MAP3K14: variants seen among roughly 807,000 people sequenced by gnomAD.
MAP3K14 encodes the protein NF-kappa-beta-inducing kinase.
MAP3K14 carries 16 observed loss-of-function variants against 99.2 expected under a neutral mutation model. The ratio of observed to expected loss-of-function variants is 0.16; its 90% CI spans 0.11 to 0.24. MAP3K14 has a LOEUF of 0.24. Among genes scored for constraint, MAP3K14 ranks in the 10% least tolerant of loss-of-function variants. The pLI, the probability that MAP3K14 is intolerant of heterozygous loss-of-function variation, is 1.00. For synonymous variants in MAP3K14, 462 were observed against 492.4 expected, an observed-to-expected ratio of 0.94 and a Z score of 0.82; for missense variants, 784 against 1,208.7, an observed-to-expected ratio of 0.65 and a Z score of 5.21.
At chr17:45,290,236 G>C (rs1178167189) in intron 2 of MAP3K14, among the ~76,000 whole-genome samples, 2 of 152,176 alleles carry the variant, frequency 1.3e-5, no homozygotes, top group East Asian at 3.8e-4. Context: ...GCAGAGTCCC[G>C]AGTGCTCGTC....
At chr17:45,280,423 C>T (rs1486802611) in intron 6 of MAP3K14, among the ~76,000 whole-genome samples, 1 of 151,412 alleles carries the variant, frequency 6.6e-6, no homozygotes, top group Non-Finnish European at 1.5e-5. Context: ...CCTGCTTCAG[C>T]CTCCTGAGTA....
At position 45,264,518 on chromosome 17, in the gene MAP3K14, T is replaced by C. The variant is rs2044053740; in HGVS notation, c.*118A>G. 1 of 1,325,466 alleles carries C rather than the reference T, an allele frequency of 7.5e-7. No homozygotes were observed. Among genetic ancestry groups the C allele is most frequent in the Non-Finnish European group, 1.0e-6 (1 of 1,000,982 alleles). The allele number at this position is 1,325,466 out of a possible 1,614,324, so 82.1% of individuals were successfully genotyped here. A position where few individuals can be genotyped will look rare whatever the true frequency, so the allele number is the denominator to read the frequency against. ...TGCTGCTGCGAGGCCCTGGTCCCAC[T>C]GCTGAGCCGGGGGCTGGCAGATCCC... On this transcript the variant is annotated 3_prime_UTR_variant, in exon 16 of 16. Transcript: ENST00000344686.
intron 1 of MAP3K14, among the ~76,000 whole-genome samples, chr17:45,313,958 G>T (rs962195086): frequency 3.9e-5 from 6 of 152,266 alleles, no homozygotes; most frequent in African/African-American, 1.4e-4. Flanking sequence ...CTTCACATGA[G>T]TATGGTGTGA....
chr17:45,268,894 GC>G (rs1006382853), intron 11 of MAP3K14, among the ~76,000 whole-genome samples: 1 of 152,092 alleles, frequency 6.6e-6, no homozygotes, highest in Non-Finnish European at 1.5e-5. Context: ...GCAGCCAGGT[GC>G]CCCCCCAGAG....
chr17:45,274,295 AGC>A, intron 7 of MAP3K14, 41 bp from the exon 8 acceptor site: 1 of 1,586,544 alleles, frequency 6.3e-7, no homozygotes, highest in Non-Finnish European at 8.6e-7. Flanking sequence ...GACTTGCCCG[AGC>A]CTCCATGCCA....
chr17:45,275,005 G>A (rs183736494), intron 6 of MAP3K14, among the ~76,000 whole-genome samples: 300 of 152,066 alleles, frequency 2.0e-3, no homozygotes, highest in African/African-American at 6.7e-3. Context: ...TGGGCGTGGC[G>A]GCGGGTGCCT....
chr17:45,299,608 CTGT>C (rs1205742899), intron 1 of MAP3K14, among the ~76,000 whole-genome samples: 1 of 152,184 alleles, frequency 6.6e-6, no homozygotes, highest in Non-Finnish European at 1.5e-5. Context: ...CACTCAGGCA[CTGT>C]GAGTGAAACG....
chr17:45,316,805 A>G (rs1270934699), intron 1 of MAP3K14, among the ~76,000 whole-genome samples, 155 bp downstream of exon 1: 2 of 151,632 alleles, frequency 1.3e-5, no homozygotes, highest in Non-Finnish European at 2.9e-5. Flanking sequence ...AGTGGGTTGG[A>G]CGGGGTACGT....
intron 11 of MAP3K14, chr17:45,268,581 G>A (rs943688947): frequency 1.3e-5 from 2 of 152,040 alleles, no homozygotes; most frequent in Middle Eastern, 3.2e-3. Flanking sequence ...TACCAAACAG[G>A]CATTATGTTC....
At chr17:45,313,581 G>A (rs2044502604) in intron 1 of MAP3K14, among the ~76,000 whole-genome samples, 1 of 152,146 alleles carries the variant, frequency 6.6e-6, no homozygotes, top group African/African-American at 2.4e-5. Context: ...CATGTGACAC[G>A]GAGACACCAA....
chr17:45,274,922 G>T (rs1228551222), intron 6 of MAP3K14, among the ~76,000 whole-genome samples: 1 of 148,596 alleles, frequency 6.7e-6, no homozygotes, highest in Admixed American at 6.7e-5. Context: ...TGGATCACGA[G>T]GTCAGGAGAT....
intron 8 of MAP3K14, 85 bp downstream of exon 8, chr17:45,274,038 C>T: frequency 2.6e-6 from 4 of 1,512,792 alleles, no homozygotes; most frequent in Non-Finnish European, 3.6e-6. Flanking sequence ...GATGACCAGG[C>T]TAGCCCAGAA....
At chr17:45,290,048 C>G (rs1185609259) in intron 2 of MAP3K14, among the ~76,000 whole-genome samples, 1 of 152,246 alleles carries the variant, frequency 6.6e-6, no homozygotes, top group African/African-American at 2.4e-5. Flanking sequence ...GCCCAGCAGG[C>G]TCAAGAGCAC....
At chr17:45,304,549 T>C (rs1417422945) in intron 1 of MAP3K14, among the ~76,000 whole-genome samples, 1 of 152,226 alleles carries the variant, frequency 6.6e-6, no homozygotes, top group Non-Finnish European at 1.5e-5. Flanking sequence ...GTCAGAGAAG[T>C]AGATAGCATC....
rs142000728 is a variant in MAP3K14, at chr17:45,269,617, C to T, written c.1972+796G>A. On this transcript the variant is annotated intron_variant, in intron 11 of 15. Coordinates refer to ENST00000344686, the MANE Select transcript of MAP3K14 (RefSeq NM_003954.5). Reference sequence around the variant, plus strand: ...GAAGGGGGCTAAAGGTTAAGCGGTTCGCCAATGGCCAGTGATTTATTCAAT... The same window carrying T: ...GAAGGGGGCTAAAGGTTAAGCGGTTTGCCAATGGCCAGTGATTTATTCAAT... Among the ~76,000 whole-genome samples, 1,212 of 152,154 alleles carry T rather than the reference C, an allele frequency of 8.0e-3. 18 individuals are homozygous for T. Among genetic ancestry groups the T allele is most frequent in the Middle Eastern group, 0.054 (16 of 294 alleles).
At chr17:45,305,486 C>T (rs2044424195) in intron 1 of MAP3K14, among the ~76,000 whole-genome samples, 1 of 151,604 alleles carries the variant, frequency 6.6e-6, no homozygotes. Flanking sequence ...ACCTCCACCT[C>T]CCGAATTCAA....
intron 15 of MAP3K14, 52 bp downstream of exon 15, chr17:45,265,111 G>T: frequency 7.1e-7 from 1 of 1,413,940 alleles, no homozygotes; most frequent in Non-Finnish European, 1.0e-6. Flanking sequence ...GGTGGGGCCA[G>T]CTGCATTGGC....
Position 45,264,732 on chromosome 17 carries a change from T to G in MAP3K14, c.2748A>C (p.Pro916=). 1 of 1,612,928 alleles carries G rather than the reference T, an allele frequency of 6.2e-7. No individual in the cohort carries two copies. Among genetic ancestry groups the G allele is most frequent in the Non-Finnish European group, 8.5e-7 (1 of 1,179,522 alleles). ...GQPVRYDMEV[P]DSGIDLQCTL... is the part of the protein sequence containing the mutation. ...TGCACTGCAGGTCGATGCCCGAGTC[T>G]GGCACCTCCATGTCGTAGCGAACAG... Residue 916 remains proline, a synonymous_variant, in exon 16 of 16, where the codon CCA becomes CCC. Coordinates refer to ENST00000344686, the MANE Select transcript of MAP3K14 (RefSeq NM_003954.5).
intron 1 of MAP3K14, among the ~76,000 whole-genome samples, chr17:45,301,934 G>C (rs2044391654): frequency 6.6e-6 from 1 of 150,746 alleles, no homozygotes; most frequent in African/African-American, 2.4e-5. Flanking sequence ...CCAGGCTTAA[G>C]TGATCCTCCC....
Sources: allele counts gnomAD v4.1 joint callset (sites outside exome capture counted in the v4.1 genomes callset), GRCh38; gene constraint gnomAD v4.1.1; transcripts MANE v1.5; gene names NCBI Gene and HGNC (gene_info 2026-07-23, HGNC 2026-07-21).